Variants in ANKFN1 observed in about 807,000 individuals in gnomAD.
ANKFN1 encodes the protein ankyrin repeat and fibronectin type-III domain-containing protein 1.
ANKFN1 carries 74 observed loss-of-function variants against 108.7 expected under a neutral mutation model. The ratio of observed to expected loss-of-function variants is 0.68; its 90% CI spans 0.56 to 0.83. The LOEUF (loss-of-function observed/expected upper bound fraction) is 0.83. Ranked by LOEUF, ANKFN1 falls within the 40% of genes least tolerant of loss-of-function variation. The pLI is 0.00. For synonymous variants in ANKFN1, 547 were observed against 516.2 expected, an observed-to-expected ratio of 1.06 and a Z score of -0.81; for missense variants, 1,505 against 1,382.3, an observed-to-expected ratio of 1.09 and a Z score of -1.41.
Position 56,416,430 on chromosome 17 carries a change from A to G in ANKFN1, c.911-23897A>G, listed in dbSNP as rs574363835. Among the ~76,000 whole-genome samples, 15 of 152,320 alleles carry G rather than the reference A, an allele frequency of 9.8e-5. No homozygotes were observed. In the South Asian group the frequency reaches 3.1e-3, roughly 32 times the overall value. ...GCATTTCTCAAAAGAAGACATACAA[A>G]TGAAAAACAGGCATATTAAAAGGCG... On this transcript the variant is annotated intron_variant, in intron 8 of 20. Coordinates refer to ENST00000682825, the MANE Select transcript of ANKFN1 (RefSeq NM_001370326.1).
chr17:56,115,703 A>G (rs1208299777), intron 4 of ANKFN1, among the ~76,000 whole-genome samples: 1 of 152,108 alleles, frequency 6.6e-6, no homozygotes, highest in Non-Finnish European at 1.5e-5. Flanking sequence ...GTCCACTTTA[A>G]TGCAAAAGGA....
In ANKFN1 at chr17:56,492,316, CCAAA is replaced by C. The variant is rs1489332104; in HGVS notation, c.2395_2398del (p.Gln799AspfsTer6). 1.4e-6 allele frequency: 1 copy of C among 702,262 alleles called. No homozygotes were observed. Among genetic ancestry groups the C allele is most frequent in the African/African-American group, 1.7e-5 (1 of 57,172 alleles). The allele number at this position is 702,262 out of a possible 1,614,324, so 43.5% of individuals were successfully genotyped here. On this transcript the variant is annotated frameshift_variant, in exon 19 of 21. Coordinates refer to ENST00000682825, the MANE Select transcript of ANKFN1 (RefSeq NM_001370326.1). LOFTEE classifies it high-confidence loss of function. The stretch of plus-strand genomic sequence containing the variant: ...ATCTCAGACAGCGAGGTTGCAGCTG[CCAAA>C]CAAAGACACCAGCAAGTTTTAGATT...
At position 56,259,903 on chromosome 17, in the gene ANKFN1, C is replaced by T. The variant is rs937641489; in HGVS notation, c.53+31946C>T. On this transcript the variant is annotated intron_variant, in intron 3 of 20. Coordinates refer to ENST00000682825, the MANE Select transcript of ANKFN1 (RefSeq NM_001370326.1). ...GAGTTGGTATCACTCCCCCACCCCACCTCCAAACACACACACACACACACA... is the reference window on the plus strand; with the variant it reads ...GAGTTGGTATCACTCCCCCACCCCATCTCCAAACACACACACACACACACA... Among the ~76,000 whole-genome samples the T allele has an allele frequency of 1.3e-4, 18 of 140,910 alleles. 1 individual carries two copies. Among genetic ancestry groups the T allele is most frequent in the African/African-American group, 1.6e-4 (6 of 36,570 alleles). 92.4% of individuals were successfully genotyped at this position (140,910 alleles called of 152,430 possible).
At chr17:56,046,450 GTCC>G (rs1434139649) in intron 4 of ANKFN1, 1 of 152,226 alleles carries the variant, frequency 6.6e-6, no homozygotes, top group Non-Finnish European at 1.5e-5. Flanking sequence ...TTTGAAATCT[GTCC>G]TCCTCTTCCA....
chr17:56,410,042 T>C (rs896217943), intron 8 of ANKFN1, among the ~76,000 whole-genome samples: 14 of 152,260 alleles, frequency 9.2e-5, no homozygotes, highest in African/African-American at 3.4e-4. Context: ...TTTTAAGAGG[T>C]AAAACCCCAA....
At chr17:56,386,152 T>C (rs1440132585) in intron 8 of ANKFN1, among the ~76,000 whole-genome samples, 1 of 151,340 alleles carries the variant, frequency 6.6e-6, no homozygotes, top group Non-Finnish European at 1.5e-5. Flanking sequence ...TAAAAAATGA[T>C]GAGTTCATGT....
At chr17:56,208,273 G>A (rs1010734755) in intron 1 of ANKFN1, among the ~76,000 whole-genome samples, 4 of 152,152 alleles carry the variant, frequency 2.6e-5, no homozygotes, top group Non-Finnish European at 5.9e-5. Flanking sequence ...CACCTGCCTT[G>A]GCCTCCCAAA....
At position 56,478,467 on chromosome 17, in the gene ANKFN1, A is replaced by T. The variant is rs374572415; in HGVS notation, c.1940+813A>T. 3.3e-5 allele frequency among the ~76,000 whole-genome samples: 5 copies of T among 152,250 alleles called. No homozygotes were observed. The East Asian group carries it at 7.7e-4, about 23-fold the overall frequency. ...TAACCCTCTGGCCTGAGGACCTTGT[A>T]TGTTTTCTACAACCCTTATAATTCT... On this transcript the variant is annotated intron_variant, in intron 16 of 20. Coordinates refer to ENST00000682825, the MANE Select transcript of ANKFN1 (RefSeq NM_001370326.1).
chr17:56,105,711 C>CTGTCTGTGTGTGTGTGTG (rs1555594332), intron 4 of ANKFN1, among the ~76,000 whole-genome samples: 9 of 144,544 alleles, frequency 6.2e-5, no homozygotes, highest in African/African-American at 1.6e-4. Context: ...GTTTTTTTGT[C>CTGTCTGTGTGTGTGTGTG]TGTGTGTGTG....
rs1422700116 is a variant in ANKFN1, at chr17:56,087,585, A to G, written c.288+41260A>G. ...CATTCTAGCCTCCAGAAAATTTTTC[A>G]AAAGTTCCCATTGACCCACTTGTTC... is the stretch of plus-strand genomic sequence containing the variant. On this transcript the variant is annotated intron_variant, in intron 4 of 12. Coordinates refer to the ANKFN1 transcript ENST00000635860. 3.3e-5 allele frequency among the ~76,000 whole-genome samples: 5 copies of G among 151,202 alleles called. 1 individual carries two copies. Among genetic ancestry groups the G allele is most frequent in the African/African-American group, 9.7e-5 (4 of 41,140 alleles).
chr17:56,330,080 T>C (rs1372655980), intron 4 of ANKFN1, among the ~76,000 whole-genome samples: 2 of 152,220 alleles, frequency 1.3e-5, no homozygotes, highest in Non-Finnish European at 2.9e-5. Flanking sequence ...AGACAGGTAT[T>C]ATTCTAAATA....
intron 8 of ANKFN1, among the ~76,000 whole-genome samples, chr17:56,437,954 G>GAAAAACTAAT (rs1471823058): frequency 6.8e-6 from 1 of 146,662 alleles, no homozygotes; most frequent in African/African-American, 2.5e-5. Flanking sequence ...TTTTGTGTTG[G>GAAAAACTAAT]AAAAACTAAT....
chr17:56,384,078 A>C (rs928430796), intron 8 of ANKFN1, among the ~76,000 whole-genome samples: 1 of 152,176 alleles, frequency 6.6e-6, no homozygotes, highest in African/African-American at 2.4e-5. Context: ...AAAAATCCTC[A>C]ATAAAATACT....
At chr17:56,487,974 G>A (rs1321736365) in intron 18 of ANKFN1, among the ~76,000 whole-genome samples, 4 of 152,184 alleles carry the variant, frequency 2.6e-5, no homozygotes, top group South Asian at 2.1e-4. Flanking sequence ...GAGGAAAAGT[G>A]ACAGAGGATG....
At chr17:56,136,467 C>T (rs752443354) in intron 4 of ANKFN1, among the ~76,000 whole-genome samples, 11 of 152,128 alleles carry the variant, frequency 7.2e-5, no homozygotes, top group Non-Finnish European at 1.3e-4. Flanking sequence ...TCTGGCTACA[C>T]GTCACAAAGA....
intron 17 of ANKFN1, among the ~76,000 whole-genome samples, chr17:56,481,082 CAAAAA>C (rs11439875): frequency 9.1e-5 from 6 of 65,880 alleles, no homozygotes; most frequent in African/African-American, 2.3e-4. Context: ...GTCTGGTCAG[CAAAAA>C]AAAAAAAAAA....
intron 1 of ANKFN1, among the ~76,000 whole-genome samples, chr17:56,196,101 T>A (rs889944257): frequency 4.6e-5 from 7 of 151,988 alleles, no homozygotes; most frequent in Non-Finnish European, 8.8e-5. Context: ...ACCACATCTC[T>A]GCAAAACAAT....
chr17:56,189,257 G>A (rs1434977928), intron 1 of ANKFN1, among the ~76,000 whole-genome samples: 7 of 134,696 alleles, frequency 5.2e-5, no homozygotes, highest in East Asian at 2.4e-4. Flanking sequence ...TGCAAGCTCC[G>A]CCTCCCGGGT....
intron 8 of ANKFN1, among the ~76,000 whole-genome samples, chr17:56,378,301 G>T (rs1326570418): frequency 1.3e-5 from 2 of 152,110 alleles, no homozygotes; most frequent in South Asian, 2.1e-4. Flanking sequence ...AACCCTCAGG[G>T]TCGATCATTT....
Sources: gnomAD v4.1 joint callset for allele counts (sites outside exome capture counted in the v4.1 genomes callset) on GRCh38, gnomAD v4.1.1 for gene constraint, MANE v1.5 for transcripts, NCBI Gene and HGNC (gene_info 2026-07-23, HGNC 2026-07-21) for gene names.